STK38: variants seen among roughly 807,000 people sequenced by gnomAD.
STK38 encodes the protein serine/threonine-protein kinase 38.
STK38 carries 26 observed loss-of-function variants against 59.0 expected under a neutral mutation model. The ratio of observed to expected loss-of-function variants is 0.44; its 90% CI spans 0.32 to 0.61. The LOEUF is 0.61. STK38 is among the 20% of genes least tolerant of loss of function. The pLI is 0.04. For missense variants in STK38, 433 were observed against 566.0 expected, an observed-to-expected ratio of 0.76 and a Z score of 2.38; for synonymous variants, 175 against 176.6, an observed-to-expected ratio of 0.99 and a Z score of 0.07.
At chr6:36,500,737 C>G (rs1445238559) in intron 9 of STK38, among the ~76,000 whole-genome samples, 10 of 123,816 alleles carry the variant, frequency 8.1e-5, no homozygotes, top group African/African-American at 3.2e-4. Flanking sequence ...TCCAGCCTGG[C>G]GACAGAGTGA....
At chr6:36,513,848 TAAAAAAAAA>T (rs1178706954) in intron 7 of STK38, among the ~76,000 whole-genome samples, 3 of 63,886 alleles carry the variant, frequency 4.7e-5, no homozygotes, top group Admixed American at 1.9e-4. Context: ...TACTAAAAAT[TAAAAAAAAA>T]AAAAAAAAAA....
chr6:36,498,268 G>T, intron 11 of STK38, 95 bp downstream of exon 11: 1 of 1,479,876 alleles, frequency 6.8e-7, no homozygotes, highest in Non-Finnish European at 9.1e-7. Context: ...GGAGGAAACA[G>T]AAAGCAGATT....
chr6:36,499,138 T>C (rs895292689), intron 10 of STK38, among the ~76,000 whole-genome samples: 4 of 151,954 alleles, frequency 2.6e-5, no homozygotes, highest in African/African-American at 7.3e-5. Flanking sequence ...AAAGAAGAAA[T>C]GAAAGGATGA....
intron 2 of STK38, among the ~76,000 whole-genome samples, chr6:36,528,955 TGA>T (rs1777603084): frequency 1.3e-5 from 2 of 152,182 alleles, no homozygotes; most frequent in African/African-American, 4.8e-5. Context: ...AATACCTGCC[TGA>T]GAGTGAAGTT....
In STK38 at chr6:36,547,456, C is replaced by G. The variant is rs1432040974; in HGVS notation, c.-272G>C. 6.6e-6 allele frequency: 1 copy of G among 152,196 alleles called. No homozygotes were observed. The highest frequency in any genetic ancestry group is 2.4e-5 in the African/African-American group (1 of 41,456). The allele number at this position is 152,196 out of a possible 1,614,324, so 9.4% of individuals were successfully genotyped here. ...CCGCCGCGGAGACGGGCTGGCGCGG[C>G]AGCCCGGGGCCGAGACTACGCATGC... On this transcript the variant is annotated 5_prime_UTR_variant, in exon 1 of 14. Coordinates refer to ENST00000229812, the MANE Select transcript of STK38 (RefSeq NM_007271.4).
chr6:36,546,717 C>T (rs547202259), intron 1 of STK38, among the ~76,000 whole-genome samples: 1 of 152,280 alleles, frequency 6.6e-6, no homozygotes, highest in Admixed American at 6.5e-5. Context: ...AGCCCAGTAT[C>T]CTAAGACTAA....
chr6:36,510,321 T>C (rs1445865944), intron 7 of STK38, among the ~76,000 whole-genome samples: 1 of 152,216 alleles, frequency 6.6e-6, no homozygotes, highest in African/African-American at 2.4e-5. Context: ...CCGCCCCAAG[T>C]GTGCGCACAC....
At chr6:36,518,845 T>A (rs1454339186) in intron 5 of STK38, among the ~76,000 whole-genome samples, 1 of 152,212 alleles carries the variant, frequency 6.6e-6, no homozygotes, top group Admixed American at 6.5e-5. Flanking sequence ...GGTCTTGACT[T>A]TTTACAACAT....
chr6:36,509,447 A>T (rs1486866988), intron 7 of STK38, among the ~76,000 whole-genome samples: 2 of 152,202 alleles, frequency 1.3e-5, no homozygotes, highest in Non-Finnish European at 2.9e-5. Flanking sequence ...AGCTTCAGAA[A>T]AGGATTTGGC....
intron 5 of STK38, 48 bp downstream of exon 5, chr6:36,521,686 G>T: frequency 1.4e-6 from 2 of 1,436,954 alleles, no homozygotes; most frequent in South Asian, 1.4e-5. Context: ...AAAAGTTTTA[G>T]GAGACAAAAA....
At chr6:36,544,344 C>T (rs796832884) in intron 1 of STK38, among the ~76,000 whole-genome samples, 1 of 147,250 alleles carries the variant, frequency 6.8e-6, no homozygotes, top group Non-Finnish European at 1.5e-5. Context: ...ACAAAAACAA[C>T]AAAAAAAAAA....
chr6:36,498,415 TCA>T lies in STK38; in HGVS notation c.1022_1023del (p.Leu341TyrfsTer10). On this transcript the variant is annotated frameshift_variant, in exon 11 of 14. Coordinates refer to ENST00000229812, the MANE Select transcript of STK38 (RefSeq NM_007271.4). LOFTEE classifies it high-confidence loss of function. ...GAGATGGGAACTTCTGGAGGAAAAG[TCA>T]AAGTTTCTTTCCAGTTCATCACCTT... ...YKKVMNWKET[L>X]TFPPEVPISE... The T allele has an allele frequency of 6.2e-7, 1 of 1,614,066 alleles. No individual in the cohort carries two copies. Among genetic ancestry groups the T allele is most frequent in the Non-Finnish European group, 8.5e-7 (1 of 1,179,990 alleles).
intron 5 of STK38, 131 bp downstream of exon 5, chr6:36,521,603 T>TTA (rs1777376861): frequency 8.0e-6 from 4 of 502,464 alleles, no homozygotes; most frequent in Non-Finnish European, 9.8e-6. Context: ...AAAGGTAGTA[T>TTA]TATATATATA....
rs528710453 is a variant in STK38 at position 36,503,770 on chromosome 6, A to G, written c.834+2813T>C. ...TAACGAGTTATAAAATATAGCAAAC[A>G]ACAGGCTCAAACCTGTGAAGGTAAA... is the stretch of plus-strand genomic sequence containing the variant. On this transcript the variant is annotated intron_variant, in intron 9 of 13. Transcript: ENST00000229812. Among the ~76,000 whole-genome samples the G allele has an allele frequency of 2.6e-5, 4 of 151,838 alleles. No individual in the cohort carries two copies. In the South Asian group the frequency reaches 8.3e-4, roughly 32 times the overall value.
intron 2 of STK38, among the ~76,000 whole-genome samples, chr6:36,528,833 A>G (rs1582449844): frequency 6.6e-6 from 1 of 152,244 alleles, no homozygotes; most frequent in Admixed American, 6.5e-5. Flanking sequence ...TACCAGTCCA[A>G]TGCACTATCC....
intron 1 of STK38, among the ~76,000 whole-genome samples, chr6:36,544,917 T>C (rs1778023913): frequency 6.6e-6 from 1 of 152,162 alleles, no homozygotes; most frequent in African/African-American, 2.4e-5. Context: ...TCTGCTAGTA[T>C]TTAACCCTAA....
chr6:36,499,730 G>A (rs932972508), intron 10 of STK38, 143 bp downstream of exon 10: 3 of 708,776 alleles, frequency 4.2e-6, no homozygotes, highest in Non-Finnish European at 7.6e-6. Context: ...TACTGAAAGA[G>A]GTGTCATCTG....
In STK38 at chr6:36,546,333, G is replaced by A. The variant is rs1461423358; in HGVS notation, c.-6+857C>T. On this transcript the variant is annotated intron_variant, in intron 1 of 13. Coordinates refer to ENST00000229812, the MANE Select transcript of STK38 (RefSeq NM_007271.4). ...TTTGCTATAGCGTTCTCTCCTCTTA[G>A]GAGGAAGCTGGTATCTAACGTTTAG... Among the ~76,000 whole-genome samples the A allele has an allele frequency of 2.0e-5, 3 of 152,188 alleles. No individual in the cohort carries two copies. The East Asian group carries it at 5.8e-4, about 29-fold the overall frequency.
rs540608481 is a variant in STK38 at position 36,544,353 on chromosome 6, A to C, written c.-6+2837T>G. 3.3e-5 allele frequency among the ~76,000 whole-genome samples: 5 copies of C among 152,216 alleles called. No individual in the cohort carries two copies. The South Asian group carries it at 6.2e-4, about 19-fold the overall frequency. ...AAAAAAACAAAAACAACAAAAAAAA[A>C]ACCTCTGTTTGGTTTGTGAAGCTTG... On this transcript the variant is annotated intron_variant, in intron 1 of 13. Coordinates refer to ENST00000229812, the MANE Select transcript of STK38 (RefSeq NM_007271.4).
Sources: gnomAD v4.1 joint callset for allele counts (sites outside exome capture counted in the v4.1 genomes callset) on GRCh38, gnomAD v4.1.1 for gene constraint, MANE v1.5 for transcripts, NCBI Gene and HGNC (gene_info 2026-07-23, HGNC 2026-07-21) for gene names.